Variants in LYRM4 observed in about 807,000 individuals in gnomAD.
LYRM4 encodes the protein LYR motif containing 4.
LYRM4 carries 9 observed loss-of-function variants against 11.7 expected under a neutral mutation model. The ratio of observed to expected loss-of-function variants is 0.77; its 90% CI spans 0.46 to 1.34. The LOEUF is 1.34. Among genes scored for constraint, LYRM4 ranks in the 40% most tolerant of loss-of-function variants. LYRM4 has a pLI of 0.00. For synonymous variants in LYRM4, 42 were observed against 40.4 expected (o/e 1.04, Z -0.15); for missense variants, 133 against 112.5 (o/e 1.18, Z -0.82).
chr6:5,139,932 G>C (rs1757314165), intron 2 of LYRM4, among the ~76,000 whole-genome samples: 1 of 149,276 alleles, frequency 6.7e-6, no homozygotes, highest in Non-Finnish European at 1.5e-5. Context: ...TGGCCTCCCA[G>C]GCTGAAGCGA....
the LYRM4 span, chr6:5,085,712 G>A: frequency 6.5e-7 from 1 of 1,546,454 alleles, no homozygotes; most frequent in Non-Finnish European, 8.7e-7. Flanking sequence ...CTGCTGGAAT[G>A]CCGCCGCCGC....
At chr6:5,110,237 C>G in intron 2 of LYRM4, among the ~76,000 whole-genome samples, 1 of 150,092 alleles carries the variant, frequency 6.7e-6, no homozygotes, top group East Asian at 1.9e-4. Context: ...ATTAGCAACT[C>G]TATCTGGATT....
chr6:5,086,645 C>CGCTTT, the LYRM4 span: 4 of 1,187,232 alleles, frequency 3.4e-6, no homozygotes, highest in Admixed American at 2.8e-5. Context: ...CTTGCTGGGA[C>CGCTTT]GCTTTGCTGA....
chr6:5,064,969 A>G, the LYRM4 span, among the ~76,000 whole-genome samples: 1 of 152,310 alleles, frequency 6.6e-6, no homozygotes, highest in African/African-American at 2.4e-5. Context: ...TTACGTATCC[A>G]CCATTACAGT....
intron 2 of LYRM4, among the ~76,000 whole-genome samples, chr6:5,119,657 G>A (rs1409357570): frequency 2.0e-5 from 3 of 151,818 alleles, no homozygotes; most frequent in African/African-American, 7.3e-5. Context: ...GGACGTGGTG[G>A]CCCATGCCTG....
At chr6:5,074,933 G>T in the LYRM4 span, among the ~76,000 whole-genome samples, 1 of 152,068 alleles carries the variant, frequency 6.6e-6, no homozygotes, top group Non-Finnish European at 1.5e-5. Flanking sequence ...GGATTATGGG[G>T]GTGGATTTCT....
intron 2 of LYRM4, among the ~76,000 whole-genome samples, chr6:5,144,624 CAAAAAA>C (rs71540849): frequency 0.012 from 466 of 37,604 alleles, 6 homozygotes; most frequent in African/African-American, 0.038. Context: ...GACTCCGTCT[CAAAAAA>C]AAAAAAAAAA....
the LYRM4 span, chr6:5,086,169 C>T: frequency 2.4e-5 from 36 of 1,529,914 alleles, no homozygotes; most frequent in African/African-American, 4.8e-4. Flanking sequence ...GCTCGACGGC[C>T]TCGGGCGCTG....
chr6:5,239,905 T>A (rs35039476), intron 1 of LYRM4, among the ~76,000 whole-genome samples: 1 of 152,052 alleles, frequency 6.6e-6, no homozygotes, highest in African/African-American at 2.4e-5. Flanking sequence ...GAACAGTACC[T>A]GGCCATGGCG....
the LYRM4 span, among the ~76,000 whole-genome samples, chr6:5,076,751 T>A: frequency 6.6e-6 from 1 of 152,126 alleles, no homozygotes; most frequent in Admixed American, 6.5e-5. Flanking sequence ...GATCTTAGAA[T>A]GTCTGTAGCA....
At chr6:5,086,473 T>A in the LYRM4 span, 1 of 1,537,198 alleles carries the variant, frequency 6.5e-7, no homozygotes, top group Non-Finnish European at 8.7e-7. Flanking sequence ...CTTCGCTGTC[T>A]GCTACCGCTG....
At chr6:5,243,853 A>G (rs1764020779) in intron 1 of LYRM4, among the ~76,000 whole-genome samples, 1 of 152,258 alleles carries the variant, frequency 6.6e-6, no homozygotes, top group Non-Finnish European at 1.5e-5. Context: ...AGTATCTACA[A>G]TCATATGGTG....
At chr6:5,081,598 C>G in the LYRM4 span, among the ~76,000 whole-genome samples, 1 of 152,240 alleles carries the variant, frequency 6.6e-6, no homozygotes, top group Non-Finnish European at 1.5e-5. Context: ...CTTCCCTTCT[C>G]AGCTTTAGAC....
chr6:5,099,631 T>TG (rs1762441638), downstream of LYRM4, among the ~76,000 whole-genome samples: 1 of 152,168 alleles, frequency 6.6e-6, no homozygotes, highest in Non-Finnish European at 1.5e-5. This position sits in a 1 kb window ranked among gnomAD's most constrained non-coding sequence, Gnocchi z 4.3. Context: ...TGTTTTGAGA[T>TG]GGGGTCTTGC....
intron 1 of LYRM4, among the ~76,000 whole-genome samples, chr6:5,245,113 A>AAAAATAT (rs70974183): frequency 4.1e-5 from 1 of 24,140 alleles, no homozygotes; most frequent in Non-Finnish European, 6.6e-5. Context: ...AAAAAAAAAA[A>AAAAATAT]ATATATATAT....
At chr6:5,055,437 A>C in the LYRM4 span, among the ~76,000 whole-genome samples, 5 of 152,228 alleles carry the variant, frequency 3.3e-5, no homozygotes, top group Non-Finnish European at 7.3e-5. The surrounding 1 kb of genome is among the most constrained non-coding windows in gnomAD (Gnocchi z 4.5). Context: ...AGTAGGCCAA[A>C]GAAGAGAAGA....
rs73719755 is a variant in LYRM4, at chr6:5,225,884, A to G, written c.87-9146T>C. Among the ~76,000 whole-genome samples, 497 of 152,368 alleles carry G rather than the reference A, an allele frequency of 3.3e-3. 6 individuals carry two copies. Among genetic ancestry groups the G allele is most frequent in the African/African-American group, 0.011 (471 of 41,588 alleles). On this transcript the variant is annotated intron_variant, in intron 1 of 2. Coordinates refer to ENST00000330636, the MANE Select transcript of LYRM4 (RefSeq NM_020408.6). ...TCAAACTTTTTGATCTTTGCTAATC[A>G]GTCTAATAGGTGAAAAACAGTATTT...
intron 2 of LYRM4, among the ~76,000 whole-genome samples, chr6:5,177,283 C>T (rs183252904): frequency 6.6e-6 from 1 of 152,364 alleles, no homozygotes; most frequent in East Asian, 1.9e-4. Flanking sequence ...AGTCCTCTTA[C>T]AGACTGAACA....
chr6:5,040,955 T>G, the LYRM4 span, among the ~76,000 whole-genome samples: 1 of 152,072 alleles, frequency 6.6e-6, no homozygotes, highest in South Asian at 2.1e-4. Flanking sequence ...GAGCCCCATA[T>G]GCGAGACCAA....
Sources: gnomAD v4.1 joint callset for allele counts (sites outside exome capture counted in the v4.1 genomes callset) on GRCh38, gnomAD v4.1.1 for gene constraint, Gnocchi (gnomAD v3.1) non-coding constraint, MANE v1.5 for transcripts, NCBI Gene and HGNC (gene_info 2026-07-23, HGNC 2026-07-21) for gene names.